Variants in WIPF1 observed in about 807,000 individuals in gnomAD.
WIPF1 encodes the protein WAS/WASL-interacting protein family member 1.
Under a neutral mutation model 35.4 loss-of-function variants are expected in WIPF1, and 13 were observed. The ratio of observed to expected loss-of-function variants is 0.37; its 90% CI spans 0.24 to 0.58. The LOEUF is 0.58. Ranked by LOEUF, WIPF1 falls within the 20% of genes least tolerant of loss-of-function variation. The pLI is 0.74. For synonymous variants in WIPF1, 267 were observed against 266.3 expected, an observed-to-expected ratio of 1.00 and a Z score of -0.02; for missense variants, 591 against 667.0, an observed-to-expected ratio of 0.89 and a Z score of 1.25.
rs141303625 is a variant in WIPF1, at chr2:174,588,490, C to A, written c.-38-2879G>T. Among the ~76,000 whole-genome samples, 413 of 152,248 alleles carry A rather than the reference C, an allele frequency of 2.7e-3. 2 individuals carry two copies. The highest frequency in any genetic ancestry group is 9.3e-3 in the African/African-American group (388 of 41,540). On this transcript the variant is annotated intron_variant, in intron 1 of 7. Transcript: ENST00000679041. ...TAGGGGGCAGACTGTGGAATGGGGA[C>A]CCTTTCAGGGGCTGCCACCCTGAAA... is the stretch of plus-strand genomic sequence containing the variant.
At chr2:174,627,765 C>T (rs80044865) in intron 1 of WIPF1, among the ~76,000 whole-genome samples, 1 of 152,034 alleles carries the variant, frequency 6.6e-6, no homozygotes, top group Non-Finnish European at 1.5e-5. Context: ...AGGCTGGTCT[C>T]GAACTCCTGG....
At chr2:174,607,272 G>A (rs202175126) in intron 1 of WIPF1, among the ~76,000 whole-genome samples, 5 of 151,932 alleles carry the variant, frequency 3.3e-5, no homozygotes, top group East Asian at 1.9e-4. Context: ...GCGTGGTGGC[G>A]GGCGCCTGTA....
chr2:174,627,077 T>C (rs1263660194), intron 1 of WIPF1, among the ~76,000 whole-genome samples: 1 of 152,192 alleles, frequency 6.6e-6, no homozygotes, highest in Non-Finnish European at 1.5e-5. Flanking sequence ...TGTGGCTACA[T>C]GGTGAATTAT....
chr2:174,590,856 T>G lies in WIPF1; in HGVS notation c.-38-5245A>C, dbSNP rs1054645477. 1.3e-5 allele frequency among the ~76,000 whole-genome samples: 2 copies of G among 152,220 alleles called. No individual in the cohort carries two copies. Among genetic ancestry groups the G allele is most frequent in the African/African-American group, 4.8e-5 (2 of 41,476 alleles). ...AAGCCAGACTTTCTAAAATCTTTAC[T>G]TGGTGTGTTGACTTCTACAAACACA... On this transcript the variant is annotated intron_variant, in intron 1 of 7. Coordinates refer to ENST00000679041, the MANE Select transcript of WIPF1 (RefSeq NM_001375834.1). This position sits in a 1 kb window ranked among gnomAD's most constrained non-coding sequence, Gnocchi z 4.6.
chr2:174,657,362 C>T (rs1687661652), intron 1 of WIPF1, among the ~76,000 whole-genome samples: 2 of 152,272 alleles, frequency 1.3e-5, no homozygotes, highest in South Asian at 2.1e-4. Context: ...CTTAAACCTA[C>T]CTCCAATTAA....
At chr2:174,659,759 CA>C (rs1426018281) in intron 1 of WIPF1, among the ~76,000 whole-genome samples, 2 of 152,216 alleles carry the variant, frequency 1.3e-5, no homozygotes, top group East Asian at 3.8e-4. Flanking sequence ...TAAAAGCAGA[CA>C]GACTTCTAAA....
chr2:174,678,800 C>A (rs888911092), intron 1 of WIPF1, among the ~76,000 whole-genome samples: 1 of 152,242 alleles, frequency 6.6e-6, no homozygotes, highest in Non-Finnish European at 1.5e-5. Flanking sequence ...GCAGATACTG[C>A]GGGCTGGCAG....
chr2:174,576,253 T>C (rs900440064), intron 3 of WIPF1, among the ~76,000 whole-genome samples: 1 of 134,048 alleles, frequency 7.5e-6, no homozygotes, highest in East Asian at 2.2e-4. Flanking sequence ...AAAAAAACAC[T>C]AAGCAAATAT....
chr2:174,582,446 C>T (rs1318052824), intron 2 of WIPF1, among the ~76,000 whole-genome samples: 1 of 152,208 alleles, frequency 6.6e-6, no homozygotes, highest in East Asian at 1.9e-4. Context: ...TCTAGGCTGG[C>T]CCCAGCCCTT....
At chr2:174,638,247 G>A (rs1369496083) in intron 1 of WIPF1, among the ~76,000 whole-genome samples, 1 of 152,010 alleles carries the variant, frequency 6.6e-6, no homozygotes, top group Non-Finnish European at 1.5e-5. Flanking sequence ...AAGTAAAAAG[G>A]GGAGTCTATT....
intron 1 of WIPF1, among the ~76,000 whole-genome samples, chr2:174,593,232 C>A (rs1685682151): frequency 6.6e-6 from 1 of 152,066 alleles, no homozygotes; most frequent in African/African-American, 2.4e-5. Flanking sequence ...CTCTCTCTCT[C>A]CCTCTCTCTC....
At chr2:174,656,788 C>T (rs185952131) in intron 1 of WIPF1, among the ~76,000 whole-genome samples, 26 of 152,350 alleles carry the variant, frequency 1.7e-4, no homozygotes, top group Non-Finnish European at 3.2e-4. Flanking sequence ...AACTGGAATA[C>T]TATGGAGACT....
chr2:174,628,249 G>T (rs1337188902), intron 1 of WIPF1, among the ~76,000 whole-genome samples: 1 of 152,172 alleles, frequency 6.6e-6, no homozygotes, highest in African/African-American at 2.4e-5. Flanking sequence ...TTCAGAATGT[G>T]GTTCAGGGGT....
intron 1 of WIPF1, among the ~76,000 whole-genome samples, chr2:174,654,555 A>G (rs993864679): frequency 6.6e-6 from 1 of 152,074 alleles, no homozygotes; most frequent in Non-Finnish European, 1.5e-5. Context: ...CTTCTGTGCT[A>G]CAGGCCATAG....
intron 1 of WIPF1, among the ~76,000 whole-genome samples, 151 bp downstream of exon 1, chr2:174,597,450 A>C (rs1459631882): frequency 6.6e-6 from 1 of 152,262 alleles, no homozygotes; most frequent in Non-Finnish European, 1.5e-5. Context: ...TGGTGAAACT[A>C]GCATTCTGGG....
intron 3 of WIPF1, 184 bp downstream of exon 3, chr2:174,581,126 C>G (rs1358828497): frequency 3.1e-6 from 2 of 646,706 alleles, no homozygotes; most frequent in African/African-American, 3.7e-5. Flanking sequence ...CTTCTTGCAG[C>G]ATTAGAGGGG....
At chr2:174,592,280 T>C (rs1297857273) in intron 1 of WIPF1, among the ~76,000 whole-genome samples, 1 of 152,250 alleles carries the variant, frequency 6.6e-6, no homozygotes, top group African/African-American at 2.4e-5. Flanking sequence ...AAGGCCGGTC[T>C]CTAATCCCAA....
intron 1 of WIPF1, among the ~76,000 whole-genome samples, chr2:174,651,157 T>C (rs1687525762): frequency 6.6e-6 from 1 of 152,246 alleles, no homozygotes. Context: ...GTACTAAGAC[T>C]GTCATTTCAG....
intron 7 of WIPF1, among the ~76,000 whole-genome samples, chr2:174,563,856 G>A (rs889136295): frequency 6.6e-6 from 1 of 152,188 alleles, no homozygotes; most frequent in African/African-American, 2.4e-5. Flanking sequence ...TCCACTTAGG[G>A]ATTTCTGAGA....
Sources: allele counts gnomAD v4.1 joint callset (sites outside exome capture counted in the v4.1 genomes callset), GRCh38; gene constraint gnomAD v4.1.1; non-coding constraint Gnocchi (gnomAD v3.1); transcripts MANE v1.5; gene names NCBI Gene and HGNC (gene_info 2026-07-23, HGNC 2026-07-21).